The following PPP1R1C variants were observed in gnomAD, a reference collection of about 807,000 sequenced individuals.
PPP1R1C encodes the protein protein phosphatase 1 regulatory subunit 1C.
PPP1R1C carries 15 observed loss-of-function variants against 17.4 expected under a neutral mutation model. The ratio of observed to expected loss-of-function variants is 0.86; its 90% CI spans 0.58 to 1.33. PPP1R1C has a LOEUF of 1.33. PPP1R1C is among the 40% of genes most tolerant of loss of function. PPP1R1C has a pLI of 0.00. For missense variants in PPP1R1C, 143 were observed against 130.0 expected (o/e 1.10, Z -0.48); for synonymous variants, 35 against 43.1 (o/e 0.81, Z 0.73).
At chr2:182,082,556 G>C (rs577432290) in intron 4 of PPP1R1C, among the ~76,000 whole-genome samples, 3 of 152,098 alleles carry the variant, frequency 2.0e-5, no homozygotes. Context: ...GGTCAATTCT[G>C]TCACTTGCAT....
At chr2:182,014,911 C>A (rs1016254310) in intron 2 of PPP1R1C, among the ~76,000 whole-genome samples, 1 of 151,322 alleles carries the variant, frequency 6.6e-6, no homozygotes, top group Non-Finnish European at 1.5e-5. Flanking sequence ...TTGTAGTGAA[C>A]GCTGCCAGGC....
At chr2:181,959,737 A>G (rs965448304) in intron 1 of PPP1R1C, among the ~76,000 whole-genome samples, 2 of 152,174 alleles carry the variant, frequency 1.3e-5, no homozygotes, top group African/African-American at 2.4e-5. Context: ...GGTGAGAGAG[A>G]GGTAGCTGTC....
chr2:182,084,853 C>T (rs1688581412), intron 4 of PPP1R1C, among the ~76,000 whole-genome samples: 1 of 151,970 alleles, frequency 6.6e-6, no homozygotes, highest in African/African-American at 2.4e-5. Context: ...GGTAGTATGG[C>T]CATTTCACAA....
At chr2:181,990,723 AC>A (rs1278038618) in intron 2 of PPP1R1C, among the ~76,000 whole-genome samples, 1 of 152,234 alleles carries the variant, frequency 6.6e-6, no homozygotes, top group Non-Finnish European at 1.5e-5. Flanking sequence ...CATTATTTGA[AC>A]ACTCTCTATC....
At chr2:182,075,281 A>C (rs1367564857) in intron 4 of PPP1R1C, among the ~76,000 whole-genome samples, 3 of 152,186 alleles carry the variant, frequency 2.0e-5, no homozygotes, top group Non-Finnish European at 4.4e-5. Context: ...TCTTAGGAAA[A>C]GATTCTCCCA....
chr2:182,004,165 C>T (rs1291185727), intron 2 of PPP1R1C, among the ~76,000 whole-genome samples: 1 of 152,212 alleles, frequency 6.6e-6, no homozygotes, highest in Non-Finnish European at 1.5e-5. Context: ...CAGTTGAACA[C>T]CCTTCCTGTG....
upstream of PPP1R1C, among the ~76,000 whole-genome samples, chr2:181,984,367 A>T (rs1685249949): frequency 6.6e-6 from 1 of 152,238 alleles, no homozygotes; most frequent in Non-Finnish European, 1.5e-5. Flanking sequence ...CCTCACTAAA[A>T]ATACTGTCTT....
chr2:182,100,999 A>G (rs888839544), intron 4 of PPP1R1C, among the ~76,000 whole-genome samples: 2 of 152,172 alleles, frequency 1.3e-5, no homozygotes, highest in Non-Finnish European at 2.9e-5. Flanking sequence ...GGGGAAAGTA[A>G]TTCCCTATAA....
chr2:182,082,110 C>G (rs1252170529), intron 4 of PPP1R1C, among the ~76,000 whole-genome samples: 1 of 152,104 alleles, frequency 6.6e-6, no homozygotes, highest in Non-Finnish European at 1.5e-5. Context: ...CCTTTATCTA[C>G]CACTCTGTTT....
At chr2:182,034,057 T>C (rs1370991977) in intron 2 of PPP1R1C, among the ~76,000 whole-genome samples, 2 of 152,204 alleles carry the variant, frequency 1.3e-5, no homozygotes, top group African/African-American at 2.4e-5. Flanking sequence ...CTAGAATGTG[T>C]AGTGTTTTTT....
In PPP1R1C at chr2:181,961,664, G is replaced by A. The variant is rs1486700762; in HGVS notation, n.111+7030G>A. On this transcript the variant is annotated intron_variant and non_coding_transcript_variant, in intron 1 of 5. Coordinates refer to the PPP1R1C transcript ENST00000464264. The surrounding 1 kb of genome is among the most constrained non-coding windows in gnomAD (Gnocchi z 5.8). ...ACTGTGGTGCTCTTCTCAATCTGCT[G>A]AGACCAGCACTTGTCCAGCTCCTCT... The A allele has an allele frequency of 4.0e-6, 3 of 757,898 alleles. No individual in the cohort carries two copies. The highest frequency in any genetic ancestry group is 7.1e-6 in the Non-Finnish European group (3 of 419,738). 46.9% of individuals were successfully genotyped at this position (757,898 alleles called of 1,614,324 possible).
At chr2:182,010,336 A>T (rs547697164) in intron 2 of PPP1R1C, among the ~76,000 whole-genome samples, 2 of 151,976 alleles carry the variant, frequency 1.3e-5, no homozygotes, top group Non-Finnish European at 2.9e-5. Context: ...GAAATCTTTT[A>T]CTTCTTTAAT....
rs3063151 is a variant in PPP1R1C at position 182,117,692 on chromosome 2, A to AGTGT, written c.*415_*418dup. The AGTGT allele has an allele frequency of 0.37, 56,805 of 153,310 alleles. 10,848 individuals are homozygous for AGTGT. The highest frequency in any genetic ancestry group is 0.42 in the Non-Finnish European group (28,816 of 69,382). 9.5% of individuals were successfully genotyped at this position (153,310 alleles called of 1,614,324 possible). ...TAAATAGTAAACACATTTAGACATG[A>AGTGT]GTGTGTGTGTGTGTGTGTGTGGGTT... On this transcript the variant is annotated 3_prime_UTR_variant, in exon 5 of 5. Transcript: ENST00000682840.
chr2:182,035,278 A>G (rs1686969938), intron 2 of PPP1R1C, among the ~76,000 whole-genome samples: 1 of 152,242 alleles, frequency 6.6e-6, no homozygotes, highest in Non-Finnish European at 1.5e-5. Context: ...CTGCTTTTAC[A>G]TTCAAACATT....
At chr2:181,990,201 C>G (rs914585964) in intron 2 of PPP1R1C, among the ~76,000 whole-genome samples, 1 of 151,746 alleles carries the variant, frequency 6.6e-6, no homozygotes, top group East Asian at 1.9e-4. Context: ...TGCAGTGGCG[C>G]GATCTCAGCT....
chr2:182,075,471 G>A (rs933719016), intron 4 of PPP1R1C, among the ~76,000 whole-genome samples: 1 of 152,080 alleles, frequency 6.6e-6, no homozygotes, highest in African/African-American at 2.4e-5. Context: ...TTAGACCATG[G>A]CAGTCTAAGA....
upstream of PPP1R1C, chr2:181,985,726 T>G: frequency 4.4e-6 from 1 of 229,420 alleles, no homozygotes. This position sits in a 1 kb window ranked among gnomAD's most constrained non-coding sequence, Gnocchi z 4.1. Context: ...GTTAGTAATG[T>G]ACAGTGGATA....
intron 4 of PPP1R1C, among the ~76,000 whole-genome samples, chr2:182,070,955 CAGG>C (rs1424978049): frequency 6.6e-6 from 1 of 152,092 alleles, no homozygotes; most frequent in African/African-American, 2.4e-5. Context: ...CACACACTAT[CAGG>C]AGAACAGCAC....
intron 2 of PPP1R1C, among the ~76,000 whole-genome samples, chr2:182,051,538 T>A (rs1687518253): frequency 1.3e-5 from 2 of 152,184 alleles, no homozygotes; most frequent in African/African-American, 4.8e-5. Flanking sequence ...GGTCACGAAA[T>A]AACTTTATCA....
Sources: gnomAD v4.1 joint callset for allele counts (sites outside exome capture counted in the v4.1 genomes callset) on GRCh38, gnomAD v4.1.1 for gene constraint, Gnocchi (gnomAD v3.1) non-coding constraint, MANE v1.5 for transcripts, NCBI Gene and HGNC (gene_info 2026-07-23, HGNC 2026-07-21) for gene names.